Variants in KHDC4 observed in about 807,000 individuals in gnomAD.
KHDC4 encodes KH homology domain-containing protein 4.
In KHDC4, 19 loss-of-function variants were observed where a neutral mutation model predicts 74.5. That is an observed-to-expected ratio of 0.26 (90% CI 0.18 to 0.37). The LOEUF is 0.37. Ranked by LOEUF, KHDC4 falls within the 10% of genes least tolerant of loss-of-function variation. The pLI is 1.00. For missense variants in KHDC4, 632 were observed against 754.1 expected (o/e 0.84, Z 1.90); for synonymous variants, 253 against 266.1 (o/e 0.95, Z 0.48).
rs958558843 is a variant in KHDC4, at chr1:155,934,375, G to A, written c.-2C>T. The A allele has an allele frequency of 3.7e-6, 6 of 1,611,734 alleles. No homozygotes were observed. The highest frequency in any genetic ancestry group is 2.7e-5 in the African/African-American group (2 of 74,920). On this transcript the variant is annotated 5_prime_UTR_variant, in exon 1 of 14. Transcript: ENST00000368321. ...ATGTGTCGCGCTCCCCGCGGACATGGCGACCGCTTCTACTCAACCACCCGC... is the reference window on the plus strand; with the variant it reads ...ATGTGTCGCGCTCCCCGCGGACATGACGACCGCTTCTACTCAACCACCCGC...
At chr1:155,918,965 C>T (rs1339916142) in intron 10 of KHDC4, among the ~76,000 whole-genome samples, 1 of 137,256 alleles carries the variant, frequency 7.3e-6, no homozygotes, top group Non-Finnish European at 1.5e-5. Flanking sequence ...CTAATTCTAA[C>T]TCCCAGTTTT....
intron 10 of KHDC4, among the ~76,000 whole-genome samples, chr1:155,919,675 G>A (rs1673810926): frequency 6.6e-6 from 1 of 152,062 alleles, no homozygotes; most frequent in Non-Finnish European, 1.5e-5. Flanking sequence ...GCCAGGCATG[G>A]TGGCAGGCGC....
At chr1:155,914,826 G>C (rs1673697749) in intron 13 of KHDC4, 2 of 153,734 alleles carry the variant, frequency 1.3e-5, no homozygotes, top group South Asian at 2.0e-4. Flanking sequence ...GGGAGGTGTG[G>C]CTCAGCTCCC....
At chr1:155,917,964 C>G (rs1673769414) in intron 10 of KHDC4, among the ~76,000 whole-genome samples, 1 of 152,100 alleles carries the variant, frequency 6.6e-6, no homozygotes, top group African/African-American at 2.4e-5. Context: ...AACAGAACTC[C>G]AACCACTGAC....
At chr1:155,921,654 A>C (rs770591884) in intron 9 of KHDC4, 26 bp from the exon 10 acceptor site, 36 of 1,600,094 alleles carry the variant, frequency 2.2e-5, no homozygotes, top group Non-Finnish European at 3.1e-5. Flanking sequence ...AAAAGTGTTT[A>C]ATCAGCTGCA....
At chr1:155,925,535 A>C in intron 7 of KHDC4, 97 bp downstream of exon 7, 1 of 872,002 alleles carries the variant, frequency 1.1e-6, no homozygotes, top group Non-Finnish European at 1.9e-6. Flanking sequence ...CATTACTATT[A>C]ATTACACCCA....
At position 155,933,850 on chromosome 1, in the gene KHDC4, C is replaced by G. The variant is rs763303912; in HGVS notation, c.39-1G>C. 6.5e-7 allele frequency: 1 copy of G among 1,532,184 alleles called. No homozygotes were observed. The highest frequency in any genetic ancestry group is 1.2e-5 in the South Asian group (1 of 82,566). 94.9% of individuals were successfully genotyped at this position (1,532,184 alleles called of 1,614,324 possible). On this transcript the variant is annotated splice_acceptor_variant, in intron 1 of 13. Coordinates refer to ENST00000368321, the MANE Select transcript of KHDC4 (RefSeq NM_014949.4). LOFTEE classifies it high-confidence loss of function. Reference sequence around the variant, plus strand: ...TGGTTGGTCCCATTTGCTGCGGCGCCTACATGGAGAAAAAGGAAAACATTA... The same window carrying G: ...TGGTTGGTCCCATTTGCTGCGGCGCGTACATGGAGAAAAAGGAAAACATTA...
rs760051670 is a variant in KHDC4, at chr1:155,915,925, T to C, written c.1593A>G (p.Ile531Met). Residue 531 changes from isoleucine (I) to methionine (M), a missense_variant, in exon 13 of 14, where the codon ATA becomes ATG. Physicochemically the swap from Ile to Met is conservative, Grantham distance 10 (BLOSUM62 1). Transcript: ENST00000368321. ...CATTCCTTTCATCGGACTCTGTTTTTATTCCAGTCACTGGAAAGGCTGGTG... is the reference window on the plus strand; with the variant it reads ...CATTCCTTTCATCGGACTCTGTTTTCATTCCAGTCACTGGAAAGGCTGGTG... The part of the protein sequence containing the change: ...MPPPAFPVTG[I>M]KTESDERNGS... The C allele has an allele frequency of 3.7e-6, 6 of 1,600,336 alleles. No homozygotes were observed. Among genetic ancestry groups the C allele is most frequent in the African/African-American group, 1.4e-5 (1 of 73,730 alleles).
At chr1:155,933,949 C>T in intron 1 of KHDC4, 100 bp from the exon 2 acceptor site, 1 of 906,690 alleles carries the variant, frequency 1.1e-6, no homozygotes, top group Non-Finnish European at 1.6e-6. Context: ...TATTATATTC[C>T]ATTTACACCT....
intron 13 of KHDC4, 166 bp downstream of exon 13, chr1:155,915,707 A>T (rs534679855): frequency 1.9e-6 from 1 of 522,322 alleles, no homozygotes; most frequent in Admixed American, 3.1e-5. Flanking sequence ...GGATTTCACT[A>T]TGTTGGCCAA....
chr1:155,929,167 T>C (rs1674090412), intron 4 of KHDC4, 129 bp downstream of exon 4: 2 of 648,476 alleles, frequency 3.1e-6, no homozygotes, highest in East Asian at 2.6e-5. Flanking sequence ...TCTGCTATAG[T>C]GTGCACACAC....
Position 155,923,691 on chromosome 1 carries a change from C to CA in KHDC4, c.894-5dup. ...CAGGCCTTCTGGTTTGGGGTGACTG[C>CA]AAAGAAATAACCAGGAATTCAAAGG... On this transcript the variant is annotated splice_region_variant and splice_polypyrimidine_tract_variant and intron_variant, in intron 7 of 13. Transcript: ENST00000368321. 6.2e-7 allele frequency: 1 copy of CA among 1,609,884 alleles called. No homozygotes were observed. The highest frequency in any genetic ancestry group is 8.5e-7 in the Non-Finnish European group (1 of 1,176,424).
At chr1:155,928,951 CA>C (rs11406084) in intron 4 of KHDC4, among the ~76,000 whole-genome samples, 1,669 of 93,112 alleles carry the variant, frequency 0.018, 7 homozygotes, top group South Asian at 0.03. Flanking sequence ...GACTCCATCT[CA>C]AAAAAAAAAA....
chr1:155,921,768 A>C (rs1673868715), intron 9 of KHDC4, 93 bp downstream of exon 9: 2 of 1,394,052 alleles, frequency 1.4e-6, no homozygotes, highest in Non-Finnish European at 2.0e-6. Flanking sequence ...AGGGAACATT[A>C]ATAGTGCCCT....
At position 155,925,861 on chromosome 1, in the gene KHDC4, T is replaced by C; in HGVS notation, c.682-18A>G. On this transcript the variant is annotated intron_variant, in intron 6 of 13. Transcript: ENST00000368321. ...TAATGCATCTGTAGGAAGAACAGAATACTTCAGATTAAACAGAATATATAA... is the reference window on the plus strand; with the variant it reads ...TAATGCATCTGTAGGAAGAACAGAACACTTCAGATTAAACAGAATATATAA... 2.6e-6 allele frequency: 4 copies of C among 1,522,610 alleles called. No individual in the cohort carries two copies. Among genetic ancestry groups the C allele is most frequent in the South Asian group, 1.1e-5 (1 of 89,168 alleles). The allele number at this position is 1,522,610 out of a possible 1,614,324, so 94.3% of individuals were successfully genotyped here. A position where few individuals can be genotyped will look rare whatever the true frequency, so the allele number is the denominator to read the frequency against.
intron 8 of KHDC4, among the ~76,000 whole-genome samples, chr1:155,922,539 C>T (rs1673890598): frequency 6.6e-6 from 1 of 152,178 alleles, no homozygotes; most frequent in Non-Finnish European, 1.5e-5. Context: ...ATACTCAATT[C>T]TGGGGTACAG....
intron 4 of KHDC4, among the ~76,000 whole-genome samples, chr1:155,928,593 C>CAAAAAAAAAAAAAAAAAAAAAAAAA (rs10555758): frequency 1.1e-5 from 1 of 89,332 alleles, no homozygotes; most frequent in African/African-American, 4.3e-5. Flanking sequence ...ATCATAAAGA[C>CAAAAAAAAAAAAAAAAAAAAAAAAA]AAAAAAAAAA....
intron 4 of KHDC4, among the ~76,000 whole-genome samples, 189 bp downstream of exon 4, chr1:155,929,107 A>T (rs1428099315): frequency 6.6e-6 from 1 of 152,174 alleles, no homozygotes; most frequent in East Asian, 1.9e-4. Flanking sequence ...ATGTGAAATA[A>T]AAGTCCAAAA....
chr1:155,917,667 C>G lies in KHDC4; in HGVS notation c.1272G>C (p.Pro424=). 1.3e-6 allele frequency: 2 copies of G among 1,536,854 alleles called. No individual in the cohort carries two copies. Among genetic ancestry groups the G allele is most frequent in the East Asian group, 2.4e-5 (1 of 41,836 alleles). The change falls in exon 11 of 14, where the codon CCG becomes CCC. Residue 424 remains proline, a synonymous_variant. Transcript: ENST00000368321. ...VQPPASTGQS[P]MGGPFIPAAP... ...CAGCAGGAATAAAAGGACCACCCAT[C>G]GGACTCTGGGACCAAAACAAACCAA...
Sources: gnomAD v4.1 joint callset for allele counts (sites outside exome capture counted in the v4.1 genomes callset) on GRCh38, gnomAD v4.1.1 for gene constraint, MANE v1.5 for transcripts, NCBI Gene and HGNC (gene_info 2026-07-23, HGNC 2026-07-21) for gene names.